Variants in CLSTN3 observed in about 807,000 individuals in gnomAD.
The protein encoded by CLSTN3 is calsyntenin-3.
A neutral mutation model predicts 95.9 loss-of-function variants in CLSTN3; 36 were observed. That is an observed-to-expected ratio of 0.38 (90% confidence interval 0.29 to 0.50). The LOEUF (loss-of-function observed/expected upper bound fraction) is 0.50. Ranked by LOEUF, CLSTN3 falls within the 20% of genes least tolerant of loss-of-function variation. The pLI, the probability that CLSTN3 is intolerant of heterozygous loss-of-function variation, is 0.95. For synonymous variants in CLSTN3, 481 were observed against 504.0 expected (o/e 0.95, Z 0.61); for missense variants, 1,084 against 1,268.8 (o/e 0.85, Z 2.21).
rs764163668 is a variant in CLSTN3, at chr12:7,151,993, G to T, written c.2527+930G>T. Among the ~76,000 whole-genome samples, 4 of 150,736 alleles carry T rather than the reference G, an allele frequency of 2.7e-5. No individual in the cohort carries two copies. The East Asian group carries it at 7.8e-4, about 30-fold the overall frequency. On this transcript the variant is annotated intron_variant, in intron 16 of 17. Coordinates refer to ENST00000266546, the MANE Select transcript of CLSTN3 (RefSeq NM_014718.4). Reference sequence around the variant, plus strand: ...CTCTTGGGCCTGTGAGGCCAAGGCTGCAGTGAGCCATGATCACACCACTGC... The same window carrying T: ...CTCTTGGGCCTGTGAGGCCAAGGCTTCAGTGAGCCATGATCACACCACTGC...
At chr12:7,131,856 T>A in intron 1 of CLSTN3, 1 of 456,436 alleles carries the variant, frequency 2.2e-6, no homozygotes, top group South Asian at 1.5e-5. Flanking sequence ...AGCCTTCCCA[T>A]GCCAAAGGCT....
chr12:7,129,920 C>A, upstream of CLSTN3: 2 of 556,002 alleles, frequency 3.6e-6, no homozygotes, highest in Non-Finnish European at 4.6e-6. The surrounding 1 kb of genome is among the most constrained non-coding windows in gnomAD (Gnocchi z 5.5). Context: ...TTCCTCGCAG[C>A]CCTGGGCTAC....
rs988861223 is a variant in CLSTN3 at position 7,156,769 on chromosome 12, C to T, written c.2528-720C>T. The T allele has an allele frequency of 1.1e-5, 5 of 456,368 alleles. No individual in the cohort carries two copies. In the East Asian group the frequency reaches 2.8e-4, roughly 25 times the overall value. 28.3% of individuals were successfully genotyped at this position (456,368 alleles called of 1,614,324 possible). ...CCTTGAAGGTCCATGCCCCTCTGAG[C>T]CTGGGCATCAAAGTGGGGCTGCAGG... On this transcript the variant is annotated intron_variant, in intron 16 of 17. Coordinates refer to ENST00000266546, the MANE Select transcript of CLSTN3 (RefSeq NM_014718.4).
intron 10 of CLSTN3, 123 bp from the exon 11 acceptor site, chr12:7,142,746 T>G: frequency 2.6e-5 from 14 of 541,576 alleles, no homozygotes; most frequent in East Asian, 1.1e-4. Flanking sequence ...GGTTTCCACA[T>G]TTCTCCTTTT....
rs1939691098 is a variant in CLSTN3 at position 7,149,689 on chromosome 12, T to A, written c.2241T>A (p.Ile747=). The change falls in exon 14 of 18, where the codon ATT becomes ATA. Residue 747 remains isoleucine, a synonymous_variant. Coordinates refer to ENST00000266546, the MANE Select transcript of CLSTN3 (RefSeq NM_014718.4). The surrounding 1 kb of genome is among the most constrained non-coding windows in gnomAD (Gnocchi z 4.5). The part of the protein sequence containing the change: ...ELTNTSAYLT[I]AGVESITVYE... The stretch of plus-strand genomic sequence containing the variant: ...CCAACACATCTGCCTACCTCACTAT[T>A]GCTGGTCAGTGGGGCCTGAGGGCCT... The A allele has an allele frequency of 6.2e-7, 1 of 1,612,938 alleles. No individual in the cohort carries two copies. The highest frequency in any genetic ancestry group is 8.5e-7 in the Non-Finnish European group (1 of 1,179,202).
At chr12:7,143,103 G>C (rs1939559414) in intron 11 of CLSTN3, 60 bp from the exon 12 acceptor site, 11 of 1,597,294 alleles carry the variant, frequency 6.9e-6, no homozygotes, top group Non-Finnish European at 6.8e-6. Flanking sequence ...CTCTACCTCT[G>C]CTCCCTTCCT....
upstream of CLSTN3, chr12:7,130,303 T>TCCCC (rs1174430972): frequency 8.9e-5 from 69 of 779,470 alleles, no homozygotes; most frequent in East Asian, 2.0e-4. Flanking sequence ...CAGCACCTGG[T>TCCCC]CCCCCCCCCT....
Position 7,135,965 on chromosome 12 carries a change from G to A in CLSTN3, c.742+12G>A, listed in dbSNP as rs1391730584. 2 of 1,590,616 alleles carry A rather than the reference G, an allele frequency of 1.3e-6. No individual in the cohort carries two copies. The highest frequency in any genetic ancestry group is 1.7e-6 in the Non-Finnish European group (2 of 1,170,778). ...ACCCAGCTGGCAAGGTGAGAGCTCA[G>A]CGCTGTGCCCCATCTTGTGAATCAT... On this transcript the variant is annotated intron_variant, in intron 5 of 17. Transcript: ENST00000266546.
intron 16 of CLSTN3, chr12:7,156,625 T>G (rs1370690116): frequency 4.4e-6 from 2 of 456,562 alleles, no homozygotes; most frequent in African/African-American, 4.0e-5. Context: ...TGGCAACCTT[T>G]GTGCAGCTGT....
At position 7,149,668 on chromosome 12, in the gene CLSTN3, C is replaced by T; in HGVS notation, c.2220C>T (p.Asn740=). The stretch of plus-strand genomic sequence containing the variant: ...AGCAGCGGGGGCTGGAGCTCACCAA[C>T]ACATCTGCCTACCTCACTATTGCTG... The part of the protein sequence containing the change: ...SLQQRGLELT[N]TSAYLTIAGV... The change falls in exon 14 of 18, where the codon AAC becomes AAT. Residue 740 remains asparagine (N), a synonymous_variant. Coordinates refer to ENST00000266546, the MANE Select transcript of CLSTN3 (RefSeq NM_014718.4). The surrounding 1 kb of genome is among the most constrained non-coding windows in gnomAD (Gnocchi z 4.5). The T allele has an allele frequency of 6.2e-7, 1 of 1,614,026 alleles. No homozygotes were observed. The highest frequency in any genetic ancestry group is 8.5e-7 in the Non-Finnish European group (1 of 1,179,942).
intron 12 of CLSTN3, among the ~76,000 whole-genome samples, chr12:7,148,208 GAA>G (rs748406885): frequency 7.2e-6 from 1 of 139,268 alleles, no homozygotes; most frequent in African/African-American, 2.9e-5. Flanking sequence ...AAGAAAGAAA[GAA>G]AGAAATGTGG....
chr12:7,150,431 GC>G lies in CLSTN3; in HGVS notation c.2246-112del. On this transcript the variant is annotated intron_variant, in intron 14 of 17. Coordinates refer to ENST00000266546, the MANE Select transcript of CLSTN3 (RefSeq NM_014718.4). The surrounding 1 kb of genome is among the most constrained non-coding windows in gnomAD (Gnocchi z 4.0). Reference sequence around the variant, plus strand: ...CAGGTCGCACTTCTGCGGAGATGGGGCTGACCTGCTCTACAGCTTGTGTGGC... The same window carrying G: ...CAGGTCGCACTTCTGCGGAGATGGGGTGACCTGCTCTACAGCTTGTGTGGC... The G allele has an allele frequency of 7.6e-7, 1 of 1,315,536 alleles. No individual in the cohort carries two copies. Among genetic ancestry groups the G allele is most frequent in the African/African-American group, 1.5e-5 (1 of 68,782 alleles). 81.5% of individuals were successfully genotyped at this position (1,315,536 alleles called of 1,614,324 possible). A position where few individuals can be genotyped will look rare whatever the true frequency, so the allele number is the denominator to read the frequency against.
At position 7,149,177 on chromosome 12, in the gene CLSTN3, G is replaced by T; in HGVS notation, c.2053G>T (p.Asp685Tyr). The change falls in exon 13 of 18, where the codon GAT becomes TAT. Residue 685 changes from aspartate to tyrosine, a missense_variant. Transcript: ENST00000266546. The surrounding 1 kb of genome is among the most constrained non-coding windows in gnomAD (Gnocchi z 4.5). ...TTCTCACCAGGTGGAGGCCAAAAAG[G>T]ATGAGAGTTGGCAGGGCACAGGTAA... is the stretch of plus-strand genomic sequence containing the variant. ...SISHQVEAKKDESWQGTVTDT... is the reference protein window; with the variant it reads ...SISHQVEAKKYESWQGTVTDT... 1 of 1,613,764 alleles carries T rather than the reference G, an allele frequency of 6.2e-7. No homozygotes were observed. Among genetic ancestry groups the T allele is most frequent in the Non-Finnish European group, 8.5e-7 (1 of 1,179,818 alleles).
At chr12:7,146,816 A>C (rs1222478851) in intron 12 of CLSTN3, among the ~76,000 whole-genome samples, 1 of 152,144 alleles carries the variant, frequency 6.6e-6, no homozygotes, top group Non-Finnish European at 1.5e-5. Context: ...AGCATTGCTC[A>C]TTGCAGGGAG....
chr12:7,152,524 C>T (rs930159325), intron 16 of CLSTN3, among the ~76,000 whole-genome samples: 1 of 152,148 alleles, frequency 6.6e-6, no homozygotes, highest in Non-Finnish European at 1.5e-5. Context: ...AAGGTTGTGT[C>T]ACAGGCTTTT....
At chr12:7,138,092 G>A in intron 8 of CLSTN3, 25 bp downstream of exon 8, 2 of 1,572,010 alleles carry the variant, frequency 1.3e-6, no homozygotes, top group Non-Finnish European at 1.8e-6. Context: ...AGGCTCCTGG[G>A]AGGGCTGAGT....
At chr12:7,132,873 C>T in intron 1 of CLSTN3, 151 bp from the exon 2 acceptor site, 2 of 1,001,314 alleles carry the variant, frequency 2.0e-6, no homozygotes, top group South Asian at 1.4e-5. Flanking sequence ...GATTTCTTGT[C>T]CTCAACCACC....
intron 1 of CLSTN3, chr12:7,131,052 G>A (rs1434049694): frequency 2.2e-6 from 1 of 448,430 alleles, no homozygotes; most frequent in Non-Finnish European, 4.1e-6. Context: ...CTGCCCCCGA[G>A]CCGGTGATAG....
chr12:7,156,623 T>A, intron 16 of CLSTN3: 1 of 456,700 alleles, frequency 2.2e-6, no homozygotes, highest in Non-Finnish European at 4.4e-6. Context: ...CGTGGCAACC[T>A]TTGTGCAGCT....
Sources: allele counts gnomAD v4.1 joint callset (sites outside exome capture counted in the v4.1 genomes callset), GRCh38; gene constraint gnomAD v4.1.1; non-coding constraint Gnocchi (gnomAD v3.1); transcripts MANE v1.5; gene names NCBI Gene and HGNC (gene_info 2026-07-23, HGNC 2026-07-21).